The following CHN2 variants were observed in gnomAD, a reference collection of about 807,000 sequenced individuals.
The protein encoded by CHN2 is chimerin 2.
In CHN2, 35 loss-of-function variants were observed where a neutral mutation model predicts 56.3. The observed-to-expected ratio is 0.62, with a 90% confidence interval of 0.47 to 0.82. CHN2 has a LOEUF of 0.82. Ranked by LOEUF, CHN2 falls within the 40% of genes least tolerant of loss-of-function variation. The pLI, the probability that CHN2 is intolerant of heterozygous loss-of-function variation, is 0.00. For synonymous variants in CHN2, 210 were observed against 212.8 expected, an observed-to-expected ratio of 0.99 and a Z score of 0.12; for missense variants, 491 against 580.5, an observed-to-expected ratio of 0.85 and a Z score of 1.58.
upstream of CHN2, chr7:29,193,189 G>T (rs969805722): frequency 6.6e-6 from 1 of 152,176 alleles, no homozygotes; most frequent in East Asian, 1.9e-4. Flanking sequence ...TCCTTTAACA[G>T]TTTAGCAAGG....
chr7:29,362,162 T>G (rs1798787078), intron 2 of CHN2, among the ~76,000 whole-genome samples: 1 of 152,154 alleles, frequency 6.6e-6, no homozygotes, highest in Non-Finnish European at 1.5e-5. Flanking sequence ...TGTGAGCAGC[T>G]CCTCATGGGA....
chr7:29,331,943 T>G (rs1585079628), intron 1 of CHN2, among the ~76,000 whole-genome samples: 1 of 142,578 alleles, frequency 7.0e-6, no homozygotes, highest in Admixed American at 7.3e-5. Context: ...ATCCAGAAGG[T>G]GGAGATTGCA....
intron 6 of CHN2, among the ~76,000 whole-genome samples, chr7:29,472,967 C>T (rs1051454194): frequency 1.3e-5 from 2 of 152,132 alleles, no homozygotes; most frequent in Admixed American, 1.3e-4. Flanking sequence ...ATAAGGCTAG[C>T]AGGCTAGTGA....
intron 6 of CHN2, among the ~76,000 whole-genome samples, chr7:29,415,746 A>T (rs17157930): frequency 0.016 from 2,434 of 152,286 alleles, 64 homozygotes; most frequent in African/African-American, 0.056. Context: ...TTAGAAGGAT[A>T]CATTGGTGGC....
At chr7:29,200,329 TC>T (rs1226317864) in intron 1 of CHN2, among the ~76,000 whole-genome samples, 2 of 150,390 alleles carry the variant, frequency 1.3e-5, no homozygotes, top group Non-Finnish European at 3.0e-5. Flanking sequence ...CTTTCTCCAT[TC>T]TTCCCCTCCC....
chr7:29,273,326 CATATATATATATATGTGTATATATATAT>C (rs1354878650), intron 1 of CHN2, among the ~76,000 whole-genome samples: 11 of 79,786 alleles, frequency 1.4e-4, no homozygotes, highest in African/African-American at 4.3e-4. Flanking sequence ...TTCCATCATG[CATATATATATATATGTGTATATATATAT>C]ATATATATAT....
rs1206466371 is a variant in CHN2, at chr7:29,273,384, T to C, written c.49+78394T>C. 2.3e-3 allele frequency among the ~76,000 whole-genome samples: 131 copies of C among 55,940 alleles called. 3 individuals are homozygous for C. Among genetic ancestry groups the C allele is most frequent in the African/African-American group, 0.011 (126 of 11,522 alleles). The allele number at this position is 55,940 out of a possible 152,430, so 36.7% of individuals were successfully genotyped here. A position where few individuals can be genotyped will look rare whatever the true frequency, so the allele number is the denominator to read the frequency against. On this transcript the variant is annotated intron_variant, in intron 1 of 12. Coordinates refer to ENST00000222792, the MANE Select transcript of CHN2 (RefSeq NM_004067.4). ...ATATATATATATATATATATATATA[T>C]ATATACACACACCACATTTTCTTTA...
At chr7:29,383,020 G>T (rs982637606) in intron 3 of CHN2, among the ~76,000 whole-genome samples, 1 of 152,166 alleles carries the variant, frequency 6.6e-6, no homozygotes, top group Admixed American at 6.5e-5. Flanking sequence ...GGACCATCCA[G>T]GGAAGATCCT....
chr7:29,245,770 C>G (rs182569751), intron 1 of CHN2, among the ~76,000 whole-genome samples: 231 of 152,212 alleles, frequency 1.5e-3, no homozygotes, highest in Admixed American at 3.5e-3. Flanking sequence ...GAACCCTGTG[C>G]ACACACTCAC....
rs191477202 is a variant in CHN2, at chr7:29,170,928, A to G, written c.274+23968A>G. On this transcript the variant is annotated intron_variant, in intron 2 of 6. Transcript: ENST00000439384. ...CGTGAGACTTACTCACTATCACAAG[A>G]AAAACATGGGAAAGACCTGCCCCCA... is the stretch of plus-strand genomic sequence containing the variant. Among the ~76,000 whole-genome samples, 181 of 152,246 alleles carry G rather than the reference A, an allele frequency of 1.2e-3. 1 individual carries two copies. In the East Asian group the frequency reaches 0.014, roughly 12 times the overall value.
intron 1 of CHN2, among the ~76,000 whole-genome samples, chr7:29,273,869 G>A (rs13232464): frequency 0.27 from 40,903 of 151,970 alleles, 6,346 homozygotes; most frequent in East Asian, 0.51. Context: ...TCTACTGTGT[G>A]TTTGAGAGAG....
At chr7:29,149,797 G>A (rs1405501669) in intron 2 of CHN2, among the ~76,000 whole-genome samples, 1 of 151,990 alleles carries the variant, frequency 6.6e-6, no homozygotes, top group Non-Finnish European at 1.5e-5. Context: ...GCCTTCCAGG[G>A]CTTTCTCTCT....
At chr7:29,176,367 A>G (rs577173312) in intron 2 of CHN2, among the ~76,000 whole-genome samples, 1 of 152,298 alleles carries the variant, frequency 6.6e-6, no homozygotes, top group African/African-American at 2.4e-5. Context: ...GGAAAAAGAA[A>G]AAAAAATGCC....
Position 29,507,401 on chromosome 7 carries a change from A to T in CHN2, c.1129+36A>T, listed in dbSNP as rs564394503. 13 of 1,501,632 alleles carry T rather than the reference A, an allele frequency of 8.7e-6. 1 individual carries two copies. The South Asian group carries it at 1.3e-4, about 15-fold the overall frequency. 93.0% of individuals were successfully genotyped at this position (1,501,632 alleles called of 1,614,324 possible). On this transcript the variant is annotated intron_variant, in intron 11 of 12. Transcript: ENST00000222792. Reference sequence around the variant, plus strand: ...CAAATTAATTTTTTATTTCTACCAAATTTTTAAGTACAGTGCTTTTGACCT... The same window carrying T: ...CAAATTAATTTTTTATTTCTACCAATTTTTTAAGTACAGTGCTTTTGACCT...
chr7:29,450,603 A>G (rs1175443345), intron 6 of CHN2, among the ~76,000 whole-genome samples: 3 of 152,208 alleles, frequency 2.0e-5, no homozygotes, highest in African/African-American at 7.2e-5. Context: ...GAGGGAGCAC[A>G]GCCCTCGATT....
At chr7:29,485,500 T>A (rs1787857666) in intron 7 of CHN2, among the ~76,000 whole-genome samples, 1 of 152,278 alleles carries the variant, frequency 6.6e-6, no homozygotes, top group African/African-American at 2.4e-5. Flanking sequence ...GGAGATCCTG[T>A]GTAAGAGACA....
In CHN2 at chr7:29,398,458, C is replaced by A; in HGVS notation, c.262C>A (p.Gln88Lys). 5.6e-6 allele frequency: 9 copies of A among 1,613,038 alleles called. No individual in the cohort carries two copies. Among genetic ancestry groups the A allele is most frequent in the Non-Finnish European group, 7.6e-6 (9 of 1,179,542 alleles). ...GAYILRESQR[Q>K]PGCYTLALRF... is the part of the protein sequence containing the mutation. ...CTACATCCTTAGAGAAAGCCAGCGG[C>A]AACCAGGATGCTACACGCTGGCTCT... is the stretch of plus-strand genomic sequence containing the variant. The change falls in exon 5 of 13, where the codon CAA (glutamine) becomes AAA (lysine). Residue 88 changes from glutamine to lysine, a missense_variant. Physicochemically the swap from Gln to Lys is moderately conservative, Grantham distance 53 (BLOSUM62 1). Coordinates refer to ENST00000222792, the MANE Select transcript of CHN2 (RefSeq NM_004067.4).
intron 6 of CHN2, among the ~76,000 whole-genome samples, chr7:29,429,868 C>T (rs1027943555): frequency 1.4e-4 from 22 of 152,134 alleles, no homozygotes; most frequent in Admixed American, 1.3e-3. Context: ...AGGAACCTTG[C>T]GTAATTAGCG....
intron 6 of CHN2, among the ~76,000 whole-genome samples, chr7:29,438,241 A>C (rs1280517384): frequency 6.6e-6 from 1 of 152,218 alleles, no homozygotes; most frequent in East Asian, 1.9e-4. Flanking sequence ...AGAACCATTA[A>C]AATTTTTTAC....
Sources: allele counts gnomAD v4.1 joint callset (sites outside exome capture counted in the v4.1 genomes callset), GRCh38; gene constraint gnomAD v4.1.1; transcripts MANE v1.5; gene names NCBI Gene and HGNC (gene_info 2026-07-23, HGNC 2026-07-21).